Variants in GALNT13 observed in about 807,000 individuals in gnomAD.
GALNT13 encodes UDP-GalNAc:polypeptide N-acetylgalactosaminyltransferase 13.
Under a neutral mutation model 64.2 loss-of-function variants are expected in GALNT13, and 28 were observed. That is an observed-to-expected ratio of 0.44 (90% CI 0.32 to 0.60). GALNT13 has a LOEUF of 0.60. Ranked by LOEUF, GALNT13 falls within the 20% of genes least tolerant of loss-of-function variation. The pLI, the probability that GALNT13 is intolerant of heterozygous loss-of-function variation, is 0.05. For missense variants in GALNT13, 577 were observed against 669.8 expected, an observed-to-expected ratio of 0.86 and a Z score of 1.53; for synonymous variants, 214 against 224.6, an observed-to-expected ratio of 0.95 and a Z score of 0.42.
At chr2:153,738,162 T>A in the GALNT13 span, among the ~76,000 whole-genome samples, 18 of 152,062 alleles carry the variant, frequency 1.2e-4, no homozygotes, top group Admixed American at 1.2e-3. Context: ...ACTCCTTGCT[T>A]TTAATACATG....
At chr2:154,018,907 AAGG>A (rs1469421161) in intron 3 of GALNT13, among the ~76,000 whole-genome samples, 2 of 151,948 alleles carry the variant, frequency 1.3e-5, no homozygotes, top group Admixed American at 6.6e-5. Context: ...AGCCTGGAAA[AAGG>A]AGAAGAAAGG....
the GALNT13 span, among the ~76,000 whole-genome samples, chr2:153,504,567 G>A: frequency 2.0e-5 from 3 of 152,202 alleles, no homozygotes; most frequent in South Asian, 2.1e-4. Context: ...CTTCTATGCC[G>A]ATTTTGCTGA....
chr2:153,614,618 A>T, the GALNT13 span, among the ~76,000 whole-genome samples: 15 of 152,058 alleles, frequency 9.9e-5, no homozygotes, highest in Non-Finnish European at 7.4e-5. Flanking sequence ...CTTTTTTTCT[A>T]CTTTCCTATA....
At chr2:153,277,289 A>G in the GALNT13 span, among the ~76,000 whole-genome samples, 1 of 152,164 alleles carries the variant, frequency 6.6e-6, no homozygotes, top group South Asian at 2.1e-4. Context: ...TCCACTTATA[A>G]ATGAGAACAT....
intron 3 of GALNT13, among the ~76,000 whole-genome samples, chr2:154,125,198 A>G (rs1682185276): frequency 6.6e-6 from 1 of 152,188 alleles, no homozygotes; most frequent in South Asian, 2.1e-4. Flanking sequence ...TCGTTATTGT[A>G]TATGTTGGAT....
At chr2:154,307,734 C>G (rs1006878313) in intron 9 of GALNT13, among the ~76,000 whole-genome samples, 3 of 152,090 alleles carry the variant, frequency 2.0e-5, no homozygotes, top group Non-Finnish European at 4.4e-5. Context: ...AAGCCTATGG[C>G]AGTTTTCACA....
chr2:153,507,152 C>T, the GALNT13 span, among the ~76,000 whole-genome samples: 1 of 152,046 alleles, frequency 6.6e-6, no homozygotes, highest in Non-Finnish European at 1.5e-5. Context: ...CTGAGACTTT[C>T]CAGTGCATTT....
At chr2:153,871,358 G>A (rs1469060230), upstream of GALNT13, among the ~76,000 whole-genome samples, 2 of 152,184 alleles carry the variant, frequency 1.3e-5, no homozygotes, top group African/African-American at 4.8e-5. Flanking sequence ...GATCCTGCCA[G>A]GGTGTAGATA....
At chr2:154,232,257 G>C (rs1036729683) in intron 4 of GALNT13, among the ~76,000 whole-genome samples, 2 of 152,082 alleles carry the variant, frequency 1.3e-5, no homozygotes, top group Admixed American at 6.6e-5. Flanking sequence ...TAGTAAATAT[G>C]TAGTAGCACA....
At chr2:153,627,200 A>C in the GALNT13 span, among the ~76,000 whole-genome samples, 1 of 152,074 alleles carries the variant, frequency 6.6e-6, no homozygotes, top group Admixed American at 6.6e-5. Context: ...AAGATGGAAA[A>C]AGCCTTTGTC....
At chr2:153,806,431 G>A in the GALNT13 span, among the ~76,000 whole-genome samples, 2 of 152,022 alleles carry the variant, frequency 1.3e-5, no homozygotes, top group Non-Finnish European at 2.9e-5. Flanking sequence ...CAGAGGAGAA[G>A]CGTGTCTCTT....
At chr2:154,060,496 AG>A (rs1700120588) in intron 3 of GALNT13, among the ~76,000 whole-genome samples, 1 of 151,942 alleles carries the variant, frequency 6.6e-6, no homozygotes, top group Admixed American at 6.6e-5. Flanking sequence ...GCTGGGACTA[AG>A]GGCACATGCC....
At position 154,333,919 on chromosome 2, in the gene GALNT13, A is replaced by T. The variant is rs536703370; in HGVS notation, c.1156+32330A>T. 2.6e-5 allele frequency among the ~76,000 whole-genome samples: 4 copies of T among 152,158 alleles called. No individual in the cohort carries two copies. In the South Asian group the frequency reaches 8.3e-4, roughly 32 times the overall value. ...AATAATCCAGTGTCTTTGCTTGGAT[A>T]CTAATCGTGGAAGATAATGTCAAAC... On this transcript the variant is annotated intron_variant, in intron 9 of 12. Coordinates refer to ENST00000392825, the MANE Select transcript of GALNT13 (RefSeq NM_052917.4).
intron 11 of GALNT13, among the ~76,000 whole-genome samples, chr2:154,414,515 T>TG (rs1226261296): frequency 3.3e-5 from 5 of 151,686 alleles, no homozygotes; most frequent in East Asian, 3.9e-4. Context: ...ATATTTTTTT[T>TG]TTGTTTTTTA....
intron 9 of GALNT13, among the ~76,000 whole-genome samples, chr2:154,344,900 C>A (rs1045876775): frequency 1.3e-5 from 2 of 151,954 alleles, no homozygotes; most frequent in African/African-American, 4.8e-5. Context: ...TTGATGGGAT[C>A]TATGCCCACT....
chr2:154,047,698 C>T (rs1699359949), intron 3 of GALNT13, among the ~76,000 whole-genome samples: 1 of 152,152 alleles, frequency 6.6e-6, no homozygotes, highest in Non-Finnish European at 1.5e-5. Flanking sequence ...CTTGTCTGAA[C>T]ATCATCTTGG....
intron 3 of GALNT13, among the ~76,000 whole-genome samples, chr2:153,954,612 ATAAT>A (rs748467199): frequency 1.5e-3 from 228 of 150,088 alleles, no homozygotes; most frequent in Non-Finnish European, 2.5e-3. Flanking sequence ...TACTATAATA[ATAAT>A]TTATTATAAT....
the GALNT13 span, among the ~76,000 whole-genome samples, chr2:153,084,507 A>T: frequency 3.3e-5 from 5 of 152,076 alleles, 1 homozygote; most frequent in Non-Finnish European, 7.4e-5. Context: ...CCTAAATCTC[A>T]CCTTAAATTG....
chr2:153,524,758 C>G, the GALNT13 span, among the ~76,000 whole-genome samples: 1 of 152,186 alleles, frequency 6.6e-6, no homozygotes, highest in African/African-American at 2.4e-5. Flanking sequence ...TCCTACAAGC[C>G]TGATCACCAT....
Sources: allele counts gnomAD v4.1 joint callset (sites outside exome capture counted in the v4.1 genomes callset), GRCh38; gene constraint gnomAD v4.1.1; transcripts MANE v1.5; gene names NCBI Gene and HGNC (gene_info 2026-07-23, HGNC 2026-07-21).